ARRDC5: variants seen among roughly 807,000 people sequenced by gnomAD.
ARRDC5 encodes arrestin domain-containing protein 5.
A neutral mutation model predicts 13.3 loss-of-function variants in ARRDC5; 12 were observed. That is an observed-to-expected ratio of 0.90 (90% CI 0.58 to 1.46). The LOEUF (loss-of-function observed/expected upper bound fraction) is 1.46. ARRDC5 is among the 40% of genes most tolerant of loss of function. The pLI, the probability that ARRDC5 is intolerant of heterozygous loss-of-function variation, is 0.00. For missense variants in ARRDC5, 406 were observed against 418.7 expected (o/e 0.97, Z 0.26); for synonymous variants, 181 against 173.4 (o/e 1.04, Z -0.34).
the ARRDC5 span, chr19:4,910,313 G>A: frequency 6.7e-6 from 1 of 150,286 alleles, no homozygotes; most frequent in African/African-American, 2.4e-5. Flanking sequence ...TGGCCACCGC[G>A]GGGCGGGCCC....
chr19:4,896,379 C>G (rs2031732187), intron 2 of ARRDC5, among the ~76,000 whole-genome samples: 1 of 121,676 alleles, frequency 8.2e-6, no homozygotes, highest in Non-Finnish European at 1.8e-5. Flanking sequence ...CACACACACA[C>G]ACACACACAC....
chr19:4,906,310 T>C (rs1307240505), upstream of ARRDC5, among the ~76,000 whole-genome samples: 2 of 152,138 alleles, frequency 1.3e-5, no homozygotes, highest in African/African-American at 2.4e-5. Flanking sequence ...TTGAAAAATT[T>C]TGATGTTCTC....
Position 4,902,555 on chromosome 19 carries a change from T to C in ARRDC5, c.253+18A>G, listed in dbSNP as rs763592219. 2 of 1,610,940 alleles carry C rather than the reference T, an allele frequency of 1.2e-6. No individual in the cohort carries two copies. The highest frequency in any genetic ancestry group is 1.7e-6 in the Non-Finnish European group (2 of 1,177,414). Reference sequence around the variant, plus strand: ...GGTTCCTGTCATGGCTAGGGGTGGCTGTTGGCCTCGTCCTTACCCTCCACT... The same window carrying C: ...GGTTCCTGTCATGGCTAGGGGTGGCCGTTGGCCTCGTCCTTACCCTCCACT... On this transcript the variant is annotated intron_variant, in intron 1 of 2. Transcript: ENST00000650722.
At chr19:4,908,856 G>T in the ARRDC5 span, among the ~76,000 whole-genome samples, 4 of 152,192 alleles carry the variant, frequency 2.6e-5, no homozygotes, top group African/African-American at 9.6e-5. Flanking sequence ...TGCTTTGTAG[G>T]TGCCCAGCAC....
At chr19:4,907,653 G>A (rs1266201858), upstream of ARRDC5, among the ~76,000 whole-genome samples, 2 of 148,580 alleles carry the variant, frequency 1.3e-5, no homozygotes, top group East Asian at 4.0e-4. Flanking sequence ...AGTCTTTCTT[G>A]CTTTTTCTAG....
chr19:4,914,492 C>T, the ARRDC5 span, among the ~76,000 whole-genome samples: 1 of 151,926 alleles, frequency 6.6e-6, no homozygotes, highest in Non-Finnish European at 1.5e-5. Flanking sequence ...TTGGGTCTGT[C>T]TCGGAATATG....
At chr19:4,912,394 A>ACCTT in the ARRDC5 span, among the ~76,000 whole-genome samples, 5 of 152,282 alleles carry the variant, frequency 3.3e-5, no homozygotes, top group East Asian at 9.7e-4. Context: ...GCCTGCAAGG[A>ACCTT]CCTTCTAAGT....
At chr19:4,907,548 G>A (rs947719655), upstream of ARRDC5, among the ~76,000 whole-genome samples, 3 of 151,904 alleles carry the variant, frequency 2.0e-5, no homozygotes, top group African/African-American at 7.3e-5. Context: ...GGGATTACAC[G>A]TGTGAGCCAC....
chr19:4,912,683 A>G, the ARRDC5 span, among the ~76,000 whole-genome samples: 1 of 152,084 alleles, frequency 6.6e-6, no homozygotes, highest in Non-Finnish European at 1.5e-5. Flanking sequence ...ACACCAGTCC[A>G]CCTTTCCCTT....
At chr19:4,901,411 C>T (rs1262006697) in intron 1 of ARRDC5, among the ~76,000 whole-genome samples, 2 of 151,974 alleles carry the variant, frequency 1.3e-5, no homozygotes, top group Admixed American at 6.6e-5. Flanking sequence ...GTCAGGAGTT[C>T]GAGACCAGCC....
chr19:4,908,368 G>C, the ARRDC5 span, among the ~76,000 whole-genome samples: 1 of 152,064 alleles, frequency 6.6e-6, no homozygotes, highest in African/African-American at 2.4e-5. Context: ...AGCTAAGTGG[G>C]AACTCAACAT....
chr19:4,916,658 T>G, the ARRDC5 span, among the ~76,000 whole-genome samples: 923 of 148,834 alleles, frequency 6.2e-3, 5 homozygotes, highest in South Asian at 0.015. Context: ...CGCCCCCTCT[T>G]GTGGGTTCTG....
chr19:4,904,380 C>T (rs1278175473), upstream of ARRDC5, among the ~76,000 whole-genome samples: 1 of 152,154 alleles, frequency 6.6e-6, no homozygotes, highest in East Asian at 1.9e-4. Flanking sequence ...GGGGTTTCAT[C>T]ATGTTAGCCA....
At chr19:4,913,252 C>CTTTTT in the ARRDC5 span, among the ~76,000 whole-genome samples, 42 of 111,180 alleles carry the variant, frequency 3.8e-4, no homozygotes, top group African/African-American at 6.7e-4. Context: ...GTACATTGTG[C>CTTTTT]TTTTTTTTTT....
the ARRDC5 span, among the ~76,000 whole-genome samples, chr19:4,915,344 T>C: frequency 6.6e-6 from 1 of 152,160 alleles, no homozygotes; most frequent in Non-Finnish European, 1.5e-5. Flanking sequence ...TCACCACTGC[T>C]GTTGTGGCCC....
the ARRDC5 span, among the ~76,000 whole-genome samples, chr19:4,915,906 C>T: frequency 6.6e-6 from 1 of 152,092 alleles, no homozygotes; most frequent in African/African-American, 2.4e-5. Context: ...TGGAGTCTTT[C>T]CAGGTCAGGG....
the ARRDC5 span, among the ~76,000 whole-genome samples, chr19:4,913,560 C>T: frequency 6.6e-6 from 1 of 151,956 alleles, no homozygotes; most frequent in East Asian, 1.9e-4. Context: ...CAGCCACGTA[C>T]ATTGTGCTTT....
chr19:4,904,186 T>G (rs2032012854), upstream of ARRDC5, among the ~76,000 whole-genome samples: 1 of 139,906 alleles, frequency 7.1e-6, no homozygotes, highest in African/African-American at 2.8e-5. Context: ...TTTGTTTTTG[T>G]TTTTTTTTTG....
At chr19:4,904,478 C>T (rs1199808793), upstream of ARRDC5, among the ~76,000 whole-genome samples, 1 of 151,782 alleles carries the variant, frequency 6.6e-6, no homozygotes, top group Non-Finnish European at 1.5e-5. Flanking sequence ...CGCACCCAGC[C>T]AATTTTTGTT....
Sources: allele counts gnomAD v4.1 joint callset (sites outside exome capture counted in the v4.1 genomes callset), GRCh38; gene constraint gnomAD v4.1.1; transcripts MANE v1.5; gene names NCBI Gene and HGNC (gene_info 2026-07-23, HGNC 2026-07-21).